Variants in ST3GAL1 observed in about 807,000 individuals in gnomAD.
ST3GAL1 encodes CMP-N-acetylneuraminate-beta-galactosamide-alpha-2,3-sialyltransferase 1.
ST3GAL1 carries 16 observed loss-of-function variants against 34.1 expected under a neutral mutation model. The ratio of observed to expected loss-of-function variants is 0.47; its 90% CI spans 0.32 to 0.71. The LOEUF (loss-of-function observed/expected upper bound fraction) is 0.71, where lower values mean the gene tolerates loss of function less well. Among genes scored for constraint, ST3GAL1 ranks in the 30% least tolerant of loss-of-function variants. The pLI is 0.04. For missense variants in ST3GAL1, 353 were observed against 447.4 expected (o/e 0.79, Z 1.90); for synonymous variants, 191 against 184.7 (o/e 1.03, Z -0.28).
chr8:133,552,078 A>G lies in ST3GAL1; in HGVS notation c.-581-6152T>C, dbSNP rs1818880895. Among the ~76,000 whole-genome samples, 4 of 152,236 alleles carry G rather than the reference A, an allele frequency of 2.6e-5. No homozygotes were observed. The South Asian group carries it at 8.3e-4, about 32-fold the overall frequency. ...ACTGAGCCTTGCACTGGGCTGGGCC[A>G]AGCACTGTGTTCTGCCCTGCTGGGG... On this transcript the variant is annotated intron_variant, in intron 1 of 9. Transcript: ENST00000522652.
chr8:133,557,623 G>A (rs1012471909), intron 1 of ST3GAL1, among the ~76,000 whole-genome samples: 10 of 152,170 alleles, frequency 6.6e-5, no homozygotes, highest in African/African-American at 2.4e-4. Context: ...GCCAAGGCAG[G>A]CAGATCATGA....
intron 3 of ST3GAL1, among the ~76,000 whole-genome samples, chr8:133,479,359 C>G (rs1816298672): frequency 6.6e-6 from 1 of 152,066 alleles, no homozygotes; most frequent in South Asian, 2.1e-4. Context: ...GGAATCTGAG[C>G]ATGCAGCTGG....
intron 2 of ST3GAL1, among the ~76,000 whole-genome samples, chr8:133,534,698 G>C (rs1352701467): frequency 7.2e-5 from 11 of 152,228 alleles, no homozygotes; most frequent in Admixed American, 7.2e-4. Context: ...AAAGAAGAGA[G>C]AATTAATCCC....
intron 2 of ST3GAL1, among the ~76,000 whole-genome samples, chr8:133,540,934 C>T (rs796361181): frequency 1.9e-5 from 1 of 51,386 alleles, no homozygotes; most frequent in Non-Finnish European, 3.2e-5. Flanking sequence ...TATATATAGA[C>T]ATATATAGAC....
intron 2 of ST3GAL1, among the ~76,000 whole-genome samples, chr8:133,541,354 A>G (rs1818524476): frequency 6.6e-6 from 1 of 151,986 alleles, no homozygotes. Flanking sequence ...CAGCTCTCCC[A>G]GGAAAGCACT....
intron 1 of ST3GAL1, among the ~76,000 whole-genome samples, chr8:133,557,498 G>A (rs1325400773): frequency 1.3e-5 from 2 of 152,162 alleles, no homozygotes; most frequent in African/African-American, 2.4e-5. Context: ...TCCAGGTTCT[G>A]CCTGATGATG....
intron 1 of ST3GAL1, among the ~76,000 whole-genome samples, chr8:133,564,484 C>T (rs1380163493): frequency 6.7e-6 from 1 of 150,252 alleles, no homozygotes; most frequent in Non-Finnish European, 1.5e-5. Context: ...TTGTCATTCT[C>T]TCCTTTGGCA....
intron 2 of ST3GAL1, among the ~76,000 whole-genome samples, chr8:133,507,741 A>G (rs1008207455): frequency 6.6e-6 from 1 of 152,234 alleles, no homozygotes; most frequent in African/African-American, 2.4e-5. Context: ...TTCCTTAGGT[A>G]GCAAATTACG....
At chr8:133,462,301 G>A (rs1205952578) in intron 8 of ST3GAL1, among the ~76,000 whole-genome samples, 1 of 152,180 alleles carries the variant, frequency 6.6e-6, no homozygotes, top group African/African-American at 2.4e-5. Flanking sequence ...AGTGAGATGG[G>A]AGGCTGCTCA....
rs139156074 is a variant in ST3GAL1 at position 133,506,956 on chromosome 8, T to TAAATAATA, written c.-428-7768_-428-7767insTATTATTT. On this transcript the variant is annotated intron_variant, in intron 2 of 9. Coordinates refer to ENST00000522652, the MANE Select transcript of ST3GAL1 (RefSeq NM_173344.3). ...ATAAATATATAAATAAATAAATAAATAATAAATAAAAATAAAAATAAAGAA... is the reference window on the plus strand; with the variant it reads ...ATAAATATATAAATAAATAAATAAATAAATAATAAATAAATAAAAATAAAAATAAAGAA... Among the ~76,000 whole-genome samples the TAAATAATA allele has an allele frequency of 4.1e-3, 611 of 147,930 alleles. 3 individuals carry two copies. The highest frequency in any genetic ancestry group is 0.014 in the African/African-American group (578 of 40,642).
intron 2 of ST3GAL1, among the ~76,000 whole-genome samples, chr8:133,499,766 G>A (rs1349615340): frequency 2.0e-5 from 3 of 152,264 alleles, no homozygotes; most frequent in East Asian, 1.9e-4. Flanking sequence ...CTCGGAGGTC[G>A]AGCAGCTCGG....
In ST3GAL1 at chr8:133,533,311, T is replaced by C. The variant is rs571015008; in HGVS notation, c.-429+12463A>G. Among the ~76,000 whole-genome samples, 11 of 152,306 alleles carry C rather than the reference T, an allele frequency of 7.2e-5. No homozygotes were observed. The East Asian group carries it at 2.1e-3, about 29-fold the overall frequency. On this transcript the variant is annotated intron_variant, in intron 2 of 9. Transcript: ENST00000522652. ...CTCATGATCCTTGTCTGTGCTATTT[T>C]TCCCCGTGAATTACCAACACCCTAA...
chr8:133,477,434 CTG>C (rs1259983895), intron 3 of ST3GAL1, among the ~76,000 whole-genome samples: 1 of 151,940 alleles, frequency 6.6e-6, no homozygotes, highest in African/African-American at 2.4e-5. Flanking sequence ...TTGGAAGAAA[CTG>C]AGACTCAAAG....
chr8:133,541,237 T>C (rs1818521546), intron 2 of ST3GAL1, among the ~76,000 whole-genome samples: 1 of 150,342 alleles, frequency 6.7e-6, no homozygotes, highest in Non-Finnish European at 1.5e-5. Context: ...AGCTCAGAAA[T>C]GTTTGTCAAT....
At chr8:133,481,493 T>C (rs1483743331) in intron 3 of ST3GAL1, among the ~76,000 whole-genome samples, 1 of 152,152 alleles carries the variant, frequency 6.6e-6, no homozygotes, top group Non-Finnish European at 1.5e-5. Context: ...TTGTCATTGT[T>C]GTTGTTGTGT....
In ST3GAL1 at chr8:133,466,607, G is replaced by T. The variant is rs930362814; in HGVS notation, c.307-517C>A. Among the ~76,000 whole-genome samples the T allele has an allele frequency of 1.3e-5, 2 of 152,246 alleles. No homozygotes were observed. The highest frequency in any genetic ancestry group is 2.4e-5 in the African/African-American group (1 of 41,470). Reference sequence around the variant, plus strand: ...CTCAAGCCTTAACAAGAAGAGCGAGGAGTAGGTGGAAATGCCAGTTCTCCA... The same window carrying T: ...CTCAAGCCTTAACAAGAAGAGCGAGTAGTAGGTGGAAATGCCAGTTCTCCA... On this transcript the variant is annotated intron_variant, in intron 5 of 9. Transcript: ENST00000522652. This position sits in a 1 kb window ranked among gnomAD's most constrained non-coding sequence, Gnocchi z 4.4.
intron 1 of ST3GAL1, among the ~76,000 whole-genome samples, chr8:133,562,830 CTT>C (rs1819277378): frequency 1.9e-5 from 2 of 106,052 alleles, no homozygotes; most frequent in African/African-American, 9.1e-5. Context: ...TCCTTCCTTC[CTT>C]CCTTCCTTCC....
intron 1 of ST3GAL1, among the ~76,000 whole-genome samples, chr8:133,553,983 G>A (rs953031960): frequency 5.3e-5 from 8 of 152,114 alleles, no homozygotes; most frequent in Admixed American, 1.3e-4. Flanking sequence ...GGAGGTGTCC[G>A]GGGCCTTATT....
At chr8:133,480,238 C>A (rs1470477427) in intron 3 of ST3GAL1, among the ~76,000 whole-genome samples, 1 of 152,194 alleles carries the variant, frequency 6.6e-6, no homozygotes, top group Non-Finnish European at 1.5e-5. Context: ...ACAAGACTGA[C>A]AAATGTCAGC....
Sources: allele counts gnomAD v4.1 joint callset (sites outside exome capture counted in the v4.1 genomes callset), GRCh38; gene constraint gnomAD v4.1.1; non-coding constraint Gnocchi (gnomAD v3.1); transcripts MANE v1.5; gene names NCBI Gene and HGNC (gene_info 2026-07-23, HGNC 2026-07-21).